The following SIM2 variants were observed in gnomAD, a reference collection of about 807,000 sequenced individuals.
The protein encoded by SIM2 is single-minded homolog 2.
Under a neutral mutation model 64.8 loss-of-function variants are expected in SIM2, and 28 were observed. The ratio of observed to expected loss-of-function variants is 0.43; its 90% CI spans 0.32 to 0.59. SIM2 has a LOEUF of 0.59. Among genes scored for constraint, SIM2 ranks in the 20% least tolerant of loss-of-function variants. The pLI, the probability that SIM2 is intolerant of heterozygous loss-of-function variation, is 0.07. For synonymous variants in SIM2, 408 were observed against 391.1 expected (o/e 1.04, Z -0.51); for missense variants, 847 against 871.4 (o/e 0.97, Z 0.35).
Position 36,748,883 on chromosome 21 carries a change from C to G in SIM2, c.*791C>G, listed in dbSNP as rs954023722. The G allele has an allele frequency of 2.0e-5, 3 of 152,612 alleles. No homozygotes were observed. Among genetic ancestry groups the G allele is most frequent in the Non-Finnish European group, 4.4e-5 (3 of 68,048 alleles). The allele number at this position is 152,612 out of a possible 1,614,324, so 9.5% of individuals were successfully genotyped here. A position where few individuals can be genotyped will look rare whatever the true frequency, so the allele number is the denominator to read the frequency against. On this transcript the variant is annotated 3_prime_UTR_variant, in exon 11 of 11. Transcript: ENST00000290399. ...AGACAGTTTATGAGAATGACCCTGTCAAGCTTCATTATTACGTGGCAAAAT... is the reference window on the plus strand; with the variant it reads ...AGACAGTTTATGAGAATGACCCTGTGAAGCTTCATTATTACGTGGCAAAAT...
intron 7 of SIM2, among the ~76,000 whole-genome samples, chr21:36,741,332 C>A (rs1459984991): frequency 6.6e-6 from 1 of 152,210 alleles, no homozygotes; most frequent in African/African-American, 2.4e-5. Flanking sequence ...ACTCACCCCC[C>A]CTCCCCATTA....
chr21:36,716,345 T>C (rs1343111380), intron 3 of SIM2, among the ~76,000 whole-genome samples: 1 of 152,200 alleles, frequency 6.6e-6, no homozygotes, highest in Non-Finnish European at 1.5e-5. Context: ...AGGTAACTAG[T>C]ATACATGTTC....
In SIM2 at chr21:36,747,657, CCCCGCAGCG is replaced by C; in HGVS notation, c.1577-2_1583del. 8.0e-7 allele frequency: 1 copy of C among 1,245,010 alleles called. No individual in the cohort carries two copies. The highest frequency in any genetic ancestry group is 1.0e-6 in the Non-Finnish European group (1 of 995,662). 77.1% of individuals were successfully genotyped at this position (1,245,010 alleles called of 1,614,324 possible). A position where few individuals can be genotyped will look rare whatever the true frequency, so the allele number is the denominator to read the frequency against. On this transcript the variant is annotated splice_acceptor_variant and splice_polypyrimidine_tract_variant and coding_sequence_variant and intron_variant, in exon 11 of 11. Transcript: ENST00000290399. LOFTEE classifies it high-confidence loss of function. The surrounding 1 kb of genome is among the most constrained non-coding windows in gnomAD (Gnocchi z 4.5). The stretch of plus-strand genomic sequence containing the variant: ...TGCTGCCCTCTAACGTGTCGCCTGT[CCCCGCAGCG>C]CCCGCCGCCGCCGTGCGCAGGTTCG...
At chr21:36,700,153 G>T (rs547773649) in intron 1 of SIM2, among the ~76,000 whole-genome samples, 7 of 152,208 alleles carry the variant, frequency 4.6e-5, no homozygotes, top group Non-Finnish European at 1.0e-4. Context: ...CTGGGTGAGG[G>T]CGAATTACGA....
chr21:36,744,870 G>A lies in SIM2; in HGVS notation c.1310G>A (p.Ser437Asn), dbSNP rs776898056. The change falls in exon 10 of 11, where the codon AGC (serine) becomes AAC (asparagine). Residue 437 changes from serine to asparagine, a missense_variant. By Grantham distance (46) the Ser-to-Asn change is conservative (BLOSUM62 1). Coordinates refer to ENST00000290399, the MANE Select transcript of SIM2 (RefSeq NM_005069.6). ...SSDLLYTPSY[S>N]LPFSYHYGHF... ...GACCTTCTGTACACGCCATCCTACA[G>A]CCTGCCCTTCTCCTACCATTACGGA... 6.2e-7 allele frequency: 1 copy of A among 1,614,242 alleles called. No homozygotes were observed. The highest frequency in any genetic ancestry group is 8.5e-7 in the Non-Finnish European group (1 of 1,180,042).
At position 36,723,041 on chromosome 21, in the gene SIM2, G is replaced by T; in HGVS notation, c.458-4G>T. ...TGCCAACCTCATCTTGCTCCTGCTT[G>T]CAGAGTATGAGATAGAGAGGTCGTT... On this transcript the variant is annotated splice_region_variant and splice_polypyrimidine_tract_variant and intron_variant, in intron 4 of 10. Transcript: ENST00000290399. The T allele has an allele frequency of 6.2e-7, 1 of 1,613,628 alleles. No individual in the cohort carries two copies. Among genetic ancestry groups the T allele is most frequent in the South Asian group, 1.1e-5 (1 of 91,062 alleles).
chr21:36,699,870 A>G lies in SIM2; in HGVS notation c.124A>G (p.Ile42Val), dbSNP rs1267183034. Reference protein sequence around the residue: ...AITSQLDKASIIRLTTSYLKM... With the variant: ...AITSQLDKASVIRLTTSYLKM... Reference sequence around the variant, plus strand: ...CACTTCGCAGCTGGACAAAGCGTCCATCATCCGCCTCACCACGAGCTACCT... The same window carrying G: ...CACTTCGCAGCTGGACAAAGCGTCCGTCATCCGCCTCACCACGAGCTACCT... The change falls in exon 1 of 11, where the codon ATC (isoleucine) becomes GTC (valine). Residue 42 changes from isoleucine to valine, a missense_variant. Physicochemically the swap from Ile to Val is conservative, Grantham distance 29. This residue lies in a region of SIM2 where 397 missense variants were observed against 439.2 expected (regional missense o/e 0.90). Transcript: ENST00000290399. The surrounding 1 kb of genome is among the most constrained non-coding windows in gnomAD (Gnocchi z 5.6). The G allele has an allele frequency of 6.2e-7, 1 of 1,608,594 alleles. No individual in the cohort carries two copies. Among genetic ancestry groups the G allele is most frequent in the African/African-American group, 1.3e-5 (1 of 74,694 alleles).
At chr21:36,711,545 C>G (rs1270350581) in intron 2 of SIM2, among the ~76,000 whole-genome samples, 1 of 152,126 alleles carries the variant, frequency 6.6e-6, no homozygotes. Context: ...CTTTTTAGCC[C>G]CCTCTCTAGG....
At chr21:36,707,808 G>T (rs2088606692) in intron 1 of SIM2, among the ~76,000 whole-genome samples, 1 of 152,088 alleles carries the variant, frequency 6.6e-6, no homozygotes, top group African/African-American at 2.4e-5. Context: ...GCTTGGAAGG[G>T]CTTTGCGGCC....
chr21:36,743,117 C>G (rs765766214), intron 8 of SIM2, among the ~76,000 whole-genome samples: 3 of 152,192 alleles, frequency 2.0e-5, no homozygotes, highest in Non-Finnish European at 4.4e-5. Context: ...CCTCATGGCC[C>G]ACGACCTCCC....
chr21:36,722,382 T>G (rs2088834857), intron 4 of SIM2, among the ~76,000 whole-genome samples: 1 of 152,130 alleles, frequency 6.6e-6, no homozygotes, highest in South Asian at 2.1e-4. Context: ...AACCTTCCTT[T>G]AAAAATTCAT....
At chr21:36,746,034 G>A (rs914337624) in intron 10 of SIM2, 1 of 1,139,566 alleles carries the variant, frequency 8.8e-7, no homozygotes, top group Non-Finnish European at 1.1e-6. Context: ...ATGTGCCCCA[G>A]GCCGGGCTCA....
intron 2 of SIM2, chr21:36,709,705 A>G (rs190444478): frequency 3.3e-5 from 11 of 331,912 alleles, no homozygotes; most frequent in Admixed American, 1.3e-4. Flanking sequence ...CATCAATAAT[A>G]CAATATTAAC....
intron 7 of SIM2, among the ~76,000 whole-genome samples, chr21:36,737,278 C>T (rs979049735): frequency 6.6e-6 from 1 of 152,216 alleles, no homozygotes; most frequent in South Asian, 2.1e-4. Flanking sequence ...ATAAATGGAA[C>T]CACTGTGACC....
rs778800011 is a variant in SIM2, at chr21:36,726,214, G to A, written c.639G>A (p.Val213=). The A allele has an allele frequency of 1.2e-6, 2 of 1,613,880 alleles. No homozygotes were observed. Among genetic ancestry groups the A allele is most frequent in the Non-Finnish European group, 1.7e-6 (2 of 1,180,010 alleles). Residue 213 remains valine, a synonymous_variant, in exon 6 of 11, where the codon GTG becomes GTA. Transcript: ENST00000290399. This position sits in a 1 kb window ranked among gnomAD's most constrained non-coding sequence, Gnocchi z 4.5. Reference sequence around the variant, plus strand: ...ACCAGATTGTGGGGCTGGTGGCCGTGGGCCAGTCGCTGCCACCCAGTGCCA... The same window carrying A: ...ACCAGATTGTGGGGCTGGTGGCCGTAGGCCAGTCGCTGCCACCCAGTGCCA... ...SCYQIVGLVA[V]GQSLPPSAIT...
At chr21:36,743,703 C>T (rs916896542) in intron 9 of SIM2, 148 bp downstream of exon 9, 2 of 777,834 alleles carry the variant, frequency 2.6e-6, no homozygotes, top group Non-Finnish European at 4.1e-6. Flanking sequence ...GTCTTGCCTA[C>T]ACAGTAGTGA....
In SIM2 at chr21:36,732,635, G is replaced by C. The variant is rs140795189; in HGVS notation, c.850+1484G>C. Among the ~76,000 whole-genome samples, 15 of 150,568 alleles carry C rather than the reference G, an allele frequency of 1.0e-4. No homozygotes were observed. The East Asian group carries it at 2.9e-3, about 29-fold the overall frequency. ...GCTCCTTGACTCATGTGGAGACTTG[G>C]AGGTGTGAACAACCCTTTTGTGTCT... is the stretch of plus-strand genomic sequence containing the variant. On this transcript the variant is annotated intron_variant, in intron 7 of 10. Coordinates refer to ENST00000290399, the MANE Select transcript of SIM2 (RefSeq NM_005069.6).
intron 7 of SIM2, among the ~76,000 whole-genome samples, chr21:36,737,469 G>T (rs1156384278): frequency 1.3e-5 from 2 of 152,214 alleles, no homozygotes; most frequent in Admixed American, 1.3e-4. Flanking sequence ...GACCCTCAGG[G>T]GGGGCTGAGC....
rs549871451 is a variant in SIM2 at position 36,734,531 on chromosome 21, C to T, written c.850+3380C>T. ...AGAAAAGACTGCACCCCAGCCAGGC[C>T]GGTGGGTTGGTGTGGTCTTGGAGTT... On this transcript the variant is annotated intron_variant, in intron 7 of 10. Transcript: ENST00000290399. Among the ~76,000 whole-genome samples the T allele has an allele frequency of 3.8e-4, 57 of 151,822 alleles. No homozygotes were observed. The South Asian group carries it at 7.1e-3, about 19-fold the overall frequency.
Sources: allele counts gnomAD v4.1 joint callset (sites outside exome capture counted in the v4.1 genomes callset), GRCh38; gene constraint gnomAD v4.1.1; regional missense constraint gnomAD v4.1.1; non-coding constraint Gnocchi (gnomAD v3.1); transcripts MANE v1.5; gene names NCBI Gene and HGNC (gene_info 2026-07-23, HGNC 2026-07-21).